The following SPATA13 variants were observed in gnomAD, a reference collection of about 807,000 sequenced individuals.
The protein encoded by SPATA13 is spermatogenesis-associated protein 13.
A neutral mutation model predicts 104.0 loss-of-function variants in SPATA13; 50 were observed. The ratio of observed to expected loss-of-function variants is 0.48; its 90% CI spans 0.38 to 0.61. The LOEUF (loss-of-function observed/expected upper bound fraction) is 0.61. Among genes scored for constraint, SPATA13 ranks in the 20% least tolerant of loss-of-function variants. The pLI, the probability that SPATA13 is intolerant of heterozygous loss-of-function variation, is 0.00. For synonymous variants in SPATA13, 606 were observed against 667.5 expected (o/e 0.91, Z 1.42); for missense variants, 1,524 against 1,690.6 (o/e 0.90, Z 1.73).
At chr13:24,045,308 G>T (rs1466964794) in intron 3 of SPATA13, among the ~76,000 whole-genome samples, 1 of 152,126 alleles carries the variant, frequency 6.6e-6, no homozygotes, top group Non-Finnish European at 1.5e-5. Context: ...TTTGTATTAT[G>T]TTTCTTCCCT....
intron 2 of SPATA13, among the ~76,000 whole-genome samples, chr13:23,985,963 G>A (rs577523747): frequency 3.9e-5 from 6 of 152,284 alleles, no homozygotes; most frequent in Admixed American, 2.0e-4. Context: ...CTGCAAGTGC[G>A]CTTCTCCTCA....
At chr13:24,209,133 C>T (rs1012046140) in intron 1 of SPATA13, among the ~76,000 whole-genome samples, 15 of 152,126 alleles carry the variant, frequency 9.9e-5, no homozygotes, top group Non-Finnish European at 2.2e-4. Flanking sequence ...TCATGAGCCT[C>T]TGGCTTAGGT....
At chr13:23,994,954 T>C (rs1218045804) in intron 2 of SPATA13, among the ~76,000 whole-genome samples, 1 of 152,250 alleles carries the variant, frequency 6.6e-6, no homozygotes, top group Non-Finnish European at 1.5e-5. Flanking sequence ...CTAGGGGTGA[T>C]TTTACCTCCC....
intron 9 of SPATA13, among the ~76,000 whole-genome samples, chr13:24,293,104 A>G (rs1362317794): frequency 2.0e-5 from 3 of 151,414 alleles, no homozygotes; most frequent in Non-Finnish European, 4.4e-5. Flanking sequence ...TAGACACTAG[A>G]TATGGGTGTT....
In SPATA13 at chr13:23,983,904, G is replaced by T. The variant is rs901218786; in HGVS notation, c.-176G>T. The T allele has an allele frequency of 3.0e-6, 3 of 985,354 alleles. No individual in the cohort carries two copies. The African/African-American group carries it at 5.2e-5, about 17-fold the overall frequency. The allele number at this position is 985,354 out of a possible 1,614,324, so 61.0% of individuals were successfully genotyped here. The stretch of plus-strand genomic sequence containing the variant: ...GGCAACACCGTGCAGATGGCAAAGC[G>T]TAGGCCTCACAAACATCCTGGCCGT... On this transcript the variant is annotated 5_prime_UTR_variant, in exon 2 of 15. Transcript: ENST00000424834.
At chr13:24,131,678 A>G (rs1376952445) in intron 3 of SPATA13, among the ~76,000 whole-genome samples, 1 of 152,224 alleles carries the variant, frequency 6.6e-6, no homozygotes, top group African/African-American at 2.4e-5. Flanking sequence ...TGTACAAATG[A>G]CTAGATTATT....
At chr13:24,266,196 G>T (rs1251664757) in intron 4 of SPATA13, among the ~76,000 whole-genome samples, 1 of 152,222 alleles carries the variant, frequency 6.6e-6, no homozygotes, top group African/African-American at 2.4e-5. Flanking sequence ...TATGGGTTTT[G>T]GGACCAGCTT....
intron 2 of SPATA13, among the ~76,000 whole-genome samples, chr13:24,231,315 T>A (rs185450925): frequency 3.5e-4 from 53 of 152,344 alleles, no homozygotes; most frequent in African/African-American, 1.2e-3. Context: ...TCTATTATTT[T>A]ACTTTTCTGG....
At chr13:24,032,525 A>G (rs1432776217) in intron 3 of SPATA13, among the ~76,000 whole-genome samples, 1 of 152,288 alleles carries the variant, frequency 6.6e-6, no homozygotes, top group South Asian at 2.1e-4. Context: ...AGTCGTTACA[A>G]ATATGTTGGG....
At chr13:24,220,460 T>C (rs1871518004) in intron 1 of SPATA13, among the ~76,000 whole-genome samples, 1 of 152,238 alleles carries the variant, frequency 6.6e-6, no homozygotes, top group African/African-American at 2.4e-5. Context: ...ATCTCATTCA[T>C]TTCATGATTC....
At chr13:24,285,605 C>T (rs2138733199) in intron 5 of SPATA13, among the ~76,000 whole-genome samples, 1 of 151,486 alleles carries the variant, frequency 6.6e-6, no homozygotes, top group East Asian at 1.9e-4. Flanking sequence ...GCACCTCCGC[C>T]TTCCAGGTTC....
At chr13:24,199,275 T>C (rs967401819) in intron 1 of SPATA13, among the ~76,000 whole-genome samples, 1 of 152,240 alleles carries the variant, frequency 6.6e-6, no homozygotes, top group Non-Finnish European at 1.5e-5. Flanking sequence ...TGCCAGCCGC[T>C]GAGCTCTTCG....
intron 1 of SPATA13, among the ~76,000 whole-genome samples, chr13:24,194,640 A>T (rs9507269): frequency 6.6e-6 from 1 of 152,006 alleles, no homozygotes; most frequent in African/African-American, 2.4e-5. Context: ...TTCACCACTC[A>T]CCGACTGGTC....
At chr13:24,072,825 C>CTTTTTTTTTTTT (rs11353469) in intron 3 of SPATA13, among the ~76,000 whole-genome samples, 1,922 of 120,454 alleles carry the variant, frequency 0.016, 94 homozygotes, top group Middle Eastern at 0.032. Context: ...CTGTTGGCTC[C>CTTTTTTTTTTTT]TTTTTTTTTT....
intron 11 of SPATA13, among the ~76,000 whole-genome samples, chr13:24,298,922 A>G (rs1013531559): frequency 5.9e-5 from 9 of 152,162 alleles, no homozygotes; most frequent in Admixed American, 5.9e-4. Flanking sequence ...ACTCCAAGAT[A>G]CAGAGCTCCC....
chr13:24,009,024 T>C (rs906588684), intron 2 of SPATA13, among the ~76,000 whole-genome samples: 4 of 152,214 alleles, frequency 2.6e-5, no homozygotes, highest in Non-Finnish European at 5.9e-5. Context: ...GGCTCTCTGC[T>C]GCCAGGGGCA....
chr13:24,177,156 CTTAA>C (rs1868485268), intron 1 of SPATA13, among the ~76,000 whole-genome samples: 2 of 152,136 alleles, frequency 1.3e-5, no homozygotes, highest in Non-Finnish European at 2.9e-5. Flanking sequence ...TTAATTATTC[CTTAA>C]TTAATCAAAG....
intron 9 of SPATA13, among the ~76,000 whole-genome samples, chr13:24,292,724 G>A (rs760355114): frequency 7.2e-5 from 11 of 152,018 alleles, no homozygotes; most frequent in East Asian, 1.9e-4. Context: ...CTGGCCGGGC[G>A]CCATGGCTCA....
At chr13:24,271,600 GC>G (rs1179670077) in intron 4 of SPATA13, among the ~76,000 whole-genome samples, 1 of 152,168 alleles carries the variant, frequency 6.6e-6, no homozygotes, top group African/African-American at 2.4e-5. Flanking sequence ...ACACTAGGAA[GC>G]CATAAACTCT....
Sources: allele counts gnomAD v4.1 joint callset (sites outside exome capture counted in the v4.1 genomes callset), GRCh38; gene constraint gnomAD v4.1.1; transcripts MANE v1.5; gene names NCBI Gene and HGNC (gene_info 2026-07-23, HGNC 2026-07-21).